ADAMTS16: variants seen among roughly 807,000 people sequenced by gnomAD.
The protein encoded by ADAMTS16 is ADAM metallopeptidase with thrombospondin type 1 motif 16, also known as A disintegrin and metalloproteinase with thrombospondin motifs 16.
Under a neutral mutation model 145.8 loss-of-function variants are expected in ADAMTS16, and 94 were observed. The observed-to-expected ratio is 0.64, with a 90% confidence interval of 0.55 to 0.77. The LOEUF (loss-of-function observed/expected upper bound fraction) is 0.77. Among genes scored for constraint, ADAMTS16 ranks in the 30% least tolerant of loss-of-function variants. The pLI is 0.00. For synonymous variants in ADAMTS16, 659 were observed against 604.3 expected (o/e 1.09, Z -1.33); for missense variants, 1,585 against 1,591.5 (o/e 1.00, Z 0.07).
chr5:5,318,378 G>C (rs565275234), intron 22 of ADAMTS16, 97 bp downstream of exon 22: 1 of 1,191,776 alleles, frequency 8.4e-7, no homozygotes, highest in Non-Finnish European at 1.1e-6. Context: ...AGGGTCTTGC[G>C]TCTGATCTAC....
rs116338491 is a variant in ADAMTS16 at position 5,206,085 on chromosome 5, A to G, written c.1452-3008A>G. On this transcript the variant is annotated intron_variant, in intron 9 of 22. Coordinates refer to ENST00000274181, the MANE Select transcript of ADAMTS16 (RefSeq NM_139056.4). ...TAGAAGTTCTGTAGTTGTGCATTTTATATTTAGCTGTATGATCCATTGTGA... is the reference window on the plus strand; with the variant it reads ...TAGAAGTTCTGTAGTTGTGCATTTTGTATTTAGCTGTATGATCCATTGTGA... Among the ~76,000 whole-genome samples, 692 of 152,222 alleles carry G rather than the reference A, an allele frequency of 4.5e-3. 4 individuals carry two copies. The highest frequency in any genetic ancestry group is 0.016 in the African/African-American group (671 of 41,536).
At chr5:5,191,265 G>A (rs1481720305) in intron 7 of ADAMTS16, among the ~76,000 whole-genome samples, 1 of 152,188 alleles carries the variant, frequency 6.6e-6, no homozygotes, top group Non-Finnish European at 1.5e-5. Flanking sequence ...AAAGCTGGGG[G>A]TGGTCTTGGG....
chr5:5,310,756 C>T lies in ADAMTS16; in HGVS notation c.3411+4028C>T, dbSNP rs764712430. The stretch of plus-strand genomic sequence containing the variant: ...TCATACCTTAATTTTGGATTTCTGG[C>T]GTCCTAAACTGTGAAAGAATAAATT... On this transcript the variant is annotated intron_variant, in intron 21 of 22. Transcript: ENST00000274181. This position sits in a 1 kb window ranked among gnomAD's most constrained non-coding sequence, Gnocchi z 4.3. 1.3e-5 allele frequency among the ~76,000 whole-genome samples: 2 copies of T among 152,178 alleles called. No homozygotes were observed. The highest frequency in any genetic ancestry group is 2.9e-5 in the Non-Finnish European group (2 of 68,026).
chr5:5,210,385 G>A (rs1470693826), intron 10 of ADAMTS16, among the ~76,000 whole-genome samples: 3 of 152,070 alleles, frequency 2.0e-5, no homozygotes, highest in African/African-American at 7.2e-5. Context: ...TAGATGCAAG[G>A]TGCATTTTTA....
chr5:5,255,747 G>T (rs1376350461), intron 17 of ADAMTS16, among the ~76,000 whole-genome samples: 2 of 152,194 alleles, frequency 1.3e-5, no homozygotes, highest in African/African-American at 4.8e-5. Flanking sequence ...GAAAGAAGAA[G>T]GTATGCAAAG....
At chr5:5,318,817 A>G (rs1258138085) in intron 22 of ADAMTS16, among the ~76,000 whole-genome samples, 1 of 152,206 alleles carries the variant, frequency 6.6e-6, no homozygotes, top group Non-Finnish European at 1.5e-5. Context: ...CACAAGAAGA[A>G]AATTTCAGTT....
chr5:5,299,702 C>G (rs905644056), intron 18 of ADAMTS16, among the ~76,000 whole-genome samples: 3 of 152,092 alleles, frequency 2.0e-5, no homozygotes, highest in African/African-American at 7.2e-5. Flanking sequence ...TGGGAGGGAG[C>G]CTTGGGCAGT....
chr5:5,195,654 T>C (rs1011929627), intron 8 of ADAMTS16, among the ~76,000 whole-genome samples: 1 of 152,192 alleles, frequency 6.6e-6, no homozygotes, highest in Non-Finnish European at 1.5e-5. Flanking sequence ...CTTGAGACCA[T>C]TGAGGTGCTA....
rs541479794 is a variant in ADAMTS16, at chr5:5,155,412, A to C, written c.501+8957A>C. On this transcript the variant is annotated intron_variant, in intron 3 of 22. Coordinates refer to ENST00000274181, the MANE Select transcript of ADAMTS16 (RefSeq NM_139056.4). The stretch of plus-strand genomic sequence containing the variant: ...CTAGTCAGGAGACAGAAACCACACA[A>C]ATTATTTGAAGAGAGAGAATTAATA... 2.6e-5 allele frequency among the ~76,000 whole-genome samples: 4 copies of C among 152,298 alleles called. No individual in the cohort carries two copies. The South Asian group carries it at 8.3e-4, about 32-fold the overall frequency.
At chr5:5,268,880 G>A (rs1325605818) in intron 18 of ADAMTS16, among the ~76,000 whole-genome samples, 3 of 152,116 alleles carry the variant, frequency 2.0e-5, no homozygotes. Context: ...GGGCCAAGAC[G>A]GAGGTAGTCG....
intron 16 of ADAMTS16, among the ~76,000 whole-genome samples, chr5:5,241,477 T>C (rs1335530859): frequency 6.6e-6 from 1 of 152,234 alleles, no homozygotes; most frequent in Non-Finnish European, 1.5e-5. Flanking sequence ...CCATAGAAAG[T>C]GCTCTAACTT....
chr5:5,275,029 G>A (rs962900153), intron 18 of ADAMTS16, among the ~76,000 whole-genome samples: 1 of 152,170 alleles, frequency 6.6e-6, no homozygotes, highest in African/African-American at 2.4e-5. Context: ...TAGATAGCTT[G>A]CATTACAAAT....
At chr5:5,175,713 C>A (rs1268839414) in intron 3 of ADAMTS16, among the ~76,000 whole-genome samples, 1 of 152,194 alleles carries the variant, frequency 6.6e-6, no homozygotes, top group African/African-American at 2.4e-5. Context: ...CTCCAGCTTG[C>A]CCTGGTCTGG....
Position 5,266,721 on chromosome 5 carries a change from G to T in ADAMTS16, c.2789+3938G>T, listed in dbSNP as rs186509297. ...TCCTCCTCCTGGGGCTACTCTTCCT[G>T]GTGTTACCCATACTTCTTCTTCAAC... On this transcript the variant is annotated intron_variant, in intron 18 of 22. Transcript: ENST00000274181. 1.0e-3 allele frequency among the ~76,000 whole-genome samples: 156 copies of T among 152,246 alleles called. 1 individual carries two copies. Among genetic ancestry groups the T allele is most frequent in the Non-Finnish European group, 1.9e-3 (126 of 68,020 alleles).
At chr5:5,228,750 G>A (rs1367947870) in intron 11 of ADAMTS16, among the ~76,000 whole-genome samples, 1 of 152,162 alleles carries the variant, frequency 6.6e-6, no homozygotes, top group Non-Finnish European at 1.5e-5. Flanking sequence ...ACTTCCCTTA[G>A]AAGCAAAATT....
intron 3 of ADAMTS16, among the ~76,000 whole-genome samples, chr5:5,169,748 A>T (rs918739597): frequency 1.3e-5 from 2 of 152,094 alleles, no homozygotes; most frequent in African/African-American, 4.8e-5. Context: ...GTCCACGCCC[A>T]GTTTCTGCTG....
chr5:5,315,763 A>T (rs1002452336), intron 21 of ADAMTS16, among the ~76,000 whole-genome samples: 7 of 152,232 alleles, frequency 4.6e-5, no homozygotes, highest in African/African-American at 1.7e-4. Flanking sequence ...GATGGGCAAC[A>T]TCTGGCTCTA....
chr5:5,184,238 G>A (rs574185809), intron 4 of ADAMTS16, among the ~76,000 whole-genome samples: 86 of 151,800 alleles, frequency 5.7e-4, no homozygotes, highest in South Asian at 3.3e-3. Context: ...CACTGTCACC[G>A]ATGCATGGAT....
chr5:5,203,872 A>G (rs1560947413), intron 9 of ADAMTS16, among the ~76,000 whole-genome samples: 1 of 152,196 alleles, frequency 6.6e-6, no homozygotes, highest in Non-Finnish European at 1.5e-5. Context: ...CTTGGAGTGT[A>G]AGCGGCGCCG....
Sources: allele counts gnomAD v4.1 joint callset (sites outside exome capture counted in the v4.1 genomes callset), GRCh38; gene constraint gnomAD v4.1.1; non-coding constraint Gnocchi (gnomAD v3.1); transcripts MANE v1.5; gene names NCBI Gene and HGNC (gene_info 2026-07-23, HGNC 2026-07-21).